The following GPC6 variants were observed in gnomAD, a reference collection of about 807,000 sequenced individuals.
GPC6 encodes the protein glypican-6.
GPC6 carries 14 observed loss-of-function variants against 55.2 expected under a neutral mutation model. The ratio of observed to expected loss-of-function variants is 0.25; its 90% CI spans 0.17 to 0.40. The LOEUF (loss-of-function observed/expected upper bound fraction) is 0.40. Ranked by LOEUF, GPC6 falls within the 10% of genes least tolerant of loss-of-function variation. GPC6 has a pLI of 1.00. For missense variants in GPC6, 641 were observed against 708.5 expected (o/e 0.90, Z 1.08); for synonymous variants, 278 against 259.6 (o/e 1.07, Z -0.68).
rs192250288 is a variant in GPC6 at position 94,174,597 on chromosome 13, G to A, written c.878-111752G>A. 4.6e-5 allele frequency among the ~76,000 whole-genome samples: 7 copies of A among 152,154 alleles called. No individual in the cohort carries two copies. In the East Asian group the frequency reaches 9.6e-4, roughly 21 times the overall value. ...GTCAGTGAACAAGAAAGAAAAGCAT[G>A]TAAGAAAAAAATACAGACATTCTTT... On this transcript the variant is annotated intron_variant, in intron 4 of 8. Transcript: ENST00000377047.
chr13:94,000,912 C>T (rs2140424561), intron 3 of GPC6, among the ~76,000 whole-genome samples: 1 of 152,248 alleles, frequency 6.6e-6, no homozygotes, highest in African/African-American at 2.4e-5. Flanking sequence ...TAAGGAGCAC[C>T]TGCTGGAGCT....
intron 3 of GPC6, among the ~76,000 whole-genome samples, chr13:93,915,137 G>A (rs1218958666): frequency 6.6e-6 from 1 of 152,096 alleles, no homozygotes; most frequent in African/African-American, 2.4e-5. Flanking sequence ...CTGGGCTGTT[G>A]TCTCTCTTTC....
At chr13:93,497,682 A>C (rs1880357924) in intron 1 of GPC6, among the ~76,000 whole-genome samples, 1 of 152,248 alleles carries the variant, frequency 6.6e-6, no homozygotes, top group Admixed American at 6.5e-5. Context: ...CAGGTCTTTA[A>C]ATTATTCAAG....
intron 1 of GPC6, among the ~76,000 whole-genome samples, chr13:93,319,298 A>G (rs1566296882): frequency 6.6e-6 from 1 of 152,100 alleles, no homozygotes; most frequent in Non-Finnish European, 1.5e-5. Flanking sequence ...TATAAGAATC[A>G]CCAAGTGTTT....
intron 1 of GPC6, among the ~76,000 whole-genome samples, chr13:93,405,234 C>G (rs1876241504): frequency 2.6e-5 from 4 of 152,254 alleles, no homozygotes; most frequent in Admixed American, 2.6e-4. Context: ...TTGACCAAAT[C>G]CACTGTGTGG....
At chr13:93,346,920 G>A (rs1880452395) in intron 1 of GPC6, among the ~76,000 whole-genome samples, 2 of 121,416 alleles carry the variant, frequency 1.6e-5, no homozygotes, top group Non-Finnish European at 4.3e-5. Flanking sequence ...AGTTTGTTAT[G>A]TTATCATCTT....
chr13:93,731,285 A>T (rs1157627068), intron 2 of GPC6, among the ~76,000 whole-genome samples: 3 of 152,156 alleles, frequency 2.0e-5, no homozygotes, highest in Admixed American at 6.6e-5. Context: ...TGGTAGCCAC[A>T]CTACATCACA....
intron 1 of GPC6, among the ~76,000 whole-genome samples, chr13:93,504,316 T>C (rs1385116409): frequency 6.6e-6 from 1 of 152,094 alleles, no homozygotes; most frequent in Non-Finnish European, 1.5e-5. Flanking sequence ...TGATTAAATA[T>C]GAGTTCCAAA....
At chr13:93,479,411 T>A (rs1879414505) in intron 1 of GPC6, among the ~76,000 whole-genome samples, 1 of 152,138 alleles carries the variant, frequency 6.6e-6, no homozygotes, top group Non-Finnish European at 1.5e-5. Flanking sequence ...AAAGCAGGAT[T>A]GTATGTAGCT....
intron 3 of GPC6, among the ~76,000 whole-genome samples, chr13:94,021,348 A>G (rs944822136): frequency 3.0e-4 from 45 of 151,962 alleles, no homozygotes; most frequent in African/African-American, 1.0e-3. Context: ...TACATTGGCT[A>G]CTATTAGGAA....
At chr13:94,041,706 G>C (rs1236055562) in intron 4 of GPC6, among the ~76,000 whole-genome samples, 1 of 151,706 alleles carries the variant, frequency 6.6e-6, no homozygotes, top group African/African-American at 2.4e-5. Context: ...TACTTACCAG[G>C]GGTTTAGTAT....
intron 1 of GPC6, among the ~76,000 whole-genome samples, chr13:93,533,272 C>T (rs1035066734): frequency 6.6e-6 from 1 of 152,172 alleles, no homozygotes; most frequent in African/African-American, 2.4e-5. Context: ...TAAGAACAGT[C>T]CAGGTCTATT....
chr13:93,646,288 C>A (rs1410976845), intron 2 of GPC6, among the ~76,000 whole-genome samples: 1 of 151,948 alleles, frequency 6.6e-6, no homozygotes, highest in Non-Finnish European at 1.5e-5. Context: ...AGCAAGTAGT[C>A]CCAAGCTATG....
At chr13:93,496,365 C>T (rs1880280271) in intron 1 of GPC6, among the ~76,000 whole-genome samples, 1 of 152,220 alleles carries the variant, frequency 6.6e-6, no homozygotes, top group Admixed American at 6.5e-5. Flanking sequence ...TGAGGCAATG[C>T]CTCGCCCTGC....
At chr13:93,714,418 A>G (rs1883181766) in intron 2 of GPC6, among the ~76,000 whole-genome samples, 1 of 151,938 alleles carries the variant, frequency 6.6e-6, no homozygotes, top group African/African-American at 2.4e-5. Context: ...GCTATTATTA[A>G]ACAGTCAAAA....
chr13:94,368,697 C>A (rs1305872362), intron 6 of GPC6, among the ~76,000 whole-genome samples: 1 of 152,140 alleles, frequency 6.6e-6, no homozygotes, highest in African/African-American at 2.4e-5. Context: ...TTTAAATACT[C>A]TCCTCCAGAG....
At chr13:93,423,052 C>CT (rs1876983396) in intron 1 of GPC6, among the ~76,000 whole-genome samples, 2 of 149,198 alleles carry the variant, frequency 1.3e-5, no homozygotes, top group South Asian at 4.3e-4. Context: ...TGGTCACACC[C>CT]CACCAGCTCC....
chr13:93,770,563 G>A (rs528526953), intron 2 of GPC6, among the ~76,000 whole-genome samples: 1 of 152,246 alleles, frequency 6.6e-6, no homozygotes, highest in South Asian at 2.1e-4. Flanking sequence ...ACTCAAAGGG[G>A]CTGTGCCTCA....
At chr13:93,569,998 T>TAAG (rs138359168) in intron 2 of GPC6, among the ~76,000 whole-genome samples, 5,019 of 152,200 alleles carry the variant, frequency 0.033, 254 homozygotes, top group African/African-American at 0.11. Context: ...TTGACTATCT[T>TAAG]AAGATTTATT....
Sources: gnomAD v4.1 joint callset for allele counts (sites outside exome capture counted in the v4.1 genomes callset) on GRCh38, gnomAD v4.1.1 for gene constraint, MANE v1.5 for transcripts, NCBI Gene and HGNC (gene_info 2026-07-23, HGNC 2026-07-21) for gene names.